Variants in ZNF365 observed in about 807,000 individuals in gnomAD.
ZNF365 encodes the protein protein ZNF365.
In ZNF365, 22 loss-of-function variants were observed where a neutral mutation model predicts 35.0. That is an observed-to-expected ratio of 0.63 (90% CI 0.45 to 0.90). The LOEUF is 0.90. Among genes scored for constraint, ZNF365 ranks in the 40% least tolerant of loss-of-function variants. The probability of loss-of-function intolerance (pLI) is 0.00; values close to 1 mark genes in which losing one functional copy is unlikely to be tolerated. For missense variants in ZNF365, 448 were observed against 500.3 expected, an observed-to-expected ratio of 0.90 and a Z score of 1.00; for synonymous variants, 188 against 196.2, an observed-to-expected ratio of 0.96 and a Z score of 0.35.
chr10:62,434,617 G>T (rs1394265029), intron 3 of ZNF365, among the ~76,000 whole-genome samples: 1 of 152,136 alleles, frequency 6.6e-6, no homozygotes, highest in South Asian at 2.1e-4. Flanking sequence ...TTGGAAGACT[G>T]CACGGAACCG....
intron 4 of ZNF365, among the ~76,000 whole-genome samples, chr10:62,460,863 T>C (rs1312661716): frequency 6.6e-6 from 1 of 152,132 alleles, no homozygotes; most frequent in African/African-American, 2.4e-5. Context: ...CAGATGCCCA[T>C]AGGAGCCAGA....
intron 3 of ZNF365, among the ~76,000 whole-genome samples, chr10:62,454,346 C>A (rs1840729428): frequency 6.6e-6 from 1 of 152,198 alleles, no homozygotes; most frequent in Admixed American, 6.5e-5. Flanking sequence ...GCCAAGGAAT[C>A]CTGGGGCACT....
intron 4 of ZNF365, among the ~76,000 whole-genome samples, chr10:62,469,517 T>C (rs1840999222): frequency 6.6e-6 from 1 of 152,204 alleles, no homozygotes; most frequent in Non-Finnish European, 1.5e-5. Flanking sequence ...AAAAATGCCT[T>C]GAATTTGATG....
chr10:62,430,214 G>A (rs976921453), intron 3 of ZNF365, among the ~76,000 whole-genome samples: 1 of 149,586 alleles, frequency 6.7e-6, no homozygotes, highest in Admixed American at 6.7e-5. Context: ...CATTTTTAAA[G>A]GTTCTAATTT....
intron 4 of ZNF365, among the ~76,000 whole-genome samples, chr10:62,461,939 G>A (rs1422460197): frequency 6.6e-6 from 1 of 152,052 alleles, no homozygotes; most frequent in African/African-American, 2.4e-5. Context: ...TGTAAATTCT[G>A]CGGGCAAACA....
intron 4 of ZNF365, among the ~76,000 whole-genome samples, chr10:62,472,927 C>T (rs544267101): frequency 6.6e-6 from 1 of 152,190 alleles, no homozygotes; most frequent in Non-Finnish European, 1.5e-5. Context: ...GTCTCCTCAG[C>T]TGGTTGCCTA....
intron 3 of ZNF365, among the ~76,000 whole-genome samples, chr10:62,391,940 A>G (rs1003520722): frequency 6.6e-6 from 1 of 152,226 alleles, no homozygotes; most frequent in Non-Finnish European, 1.5e-5. Flanking sequence ...CATTATGGCC[A>G]TTCTTGCAGG....
intron 4 of ZNF365, among the ~76,000 whole-genome samples, chr10:62,470,249 G>C (rs993610411): frequency 6.6e-6 from 1 of 152,176 alleles, no homozygotes; most frequent in African/African-American, 2.4e-5. Context: ...CCACCACCAT[G>C]GGCAACTGAG....
chr10:62,425,771 A>G (rs571627504), intron 3 of ZNF365, among the ~76,000 whole-genome samples: 13 of 152,166 alleles, frequency 8.5e-5, no homozygotes, highest in Non-Finnish European at 1.9e-4. Context: ...GATGTACCAT[A>G]TATTTTCTTA....
intron 3 of ZNF365, among the ~76,000 whole-genome samples, chr10:62,452,519 T>TG (rs1315231814): frequency 6.6e-6 from 1 of 152,230 alleles, no homozygotes; most frequent in Non-Finnish European, 1.5e-5. Flanking sequence ...AGCAGTCTCT[T>TG]GGGGTCCTTG....
chr10:62,463,806 C>T (rs981333468), intron 4 of ZNF365, among the ~76,000 whole-genome samples: 4 of 152,170 alleles, frequency 2.6e-5, no homozygotes, highest in African/African-American at 9.7e-5. Context: ...TCTAGCCCTT[C>T]CTGCTGTGGG....
chr10:62,480,229 T>C, exon 5 of ZNF365: 1 of 1,047,566 alleles, frequency 9.5e-7, no homozygotes. Context: ...TCATATTCTA[T>C]TTAGCTTGGG....
intron 3 of ZNF365, among the ~76,000 whole-genome samples, chr10:62,449,285 A>G (rs1032434098): frequency 3.3e-5 from 5 of 152,160 alleles, no homozygotes; most frequent in African/African-American, 1.2e-4. Context: ...GATTTCTATA[A>G]AAGTCAGAAT....
At chr10:62,424,903 A>G (rs1451061350) in intron 3 of ZNF365, among the ~76,000 whole-genome samples, 1 of 152,214 alleles carries the variant, frequency 6.6e-6, no homozygotes, top group Non-Finnish European at 1.5e-5. Flanking sequence ...TATCTTGTGG[A>G]ACCAGAGTGC....
intron 3 of ZNF365, among the ~76,000 whole-genome samples, chr10:62,432,195 T>C (rs1285635831): frequency 6.6e-6 from 1 of 151,990 alleles, no homozygotes; most frequent in Non-Finnish European, 1.5e-5. Flanking sequence ...GCTCTGGAGG[T>C]GAGGGGTCCA....
At chr10:62,480,197 C>T (rs1841200775) in exon 5 of ZNF365, 1 of 1,135,592 alleles carries the variant, frequency 8.8e-7, no homozygotes, top group Non-Finnish European at 1.1e-6. Context: ...TGCTTCAGAA[C>T]ATTTGTCCCT....
chr10:62,438,314 TG>T (rs1428358351), intron 3 of ZNF365, among the ~76,000 whole-genome samples: 2 of 151,878 alleles, frequency 1.3e-5, no homozygotes, highest in South Asian at 2.1e-4. Context: ...TCAGCCTCCC[TG>T]GTAGCTGGGA....
chr10:62,425,634 G>C (rs1840239553), intron 3 of ZNF365, among the ~76,000 whole-genome samples: 1 of 152,158 alleles, frequency 6.6e-6, no homozygotes, highest in Non-Finnish European at 1.5e-5. Flanking sequence ...TGGCTCTCAG[G>C]CTGACCTGTG....
chr10:62,422,775 C>T (rs1477852970), intron 3 of ZNF365, among the ~76,000 whole-genome samples: 1 of 152,112 alleles, frequency 6.6e-6, no homozygotes, highest in Non-Finnish European at 1.5e-5. Flanking sequence ...TCCACCAAAC[C>T]TTACAATTGG....
Sources: gnomAD v4.1 joint callset for allele counts (sites outside exome capture counted in the v4.1 genomes callset) on GRCh38, gnomAD v4.1.1 for gene constraint, MANE v1.5 for transcripts, NCBI Gene and HGNC (gene_info 2026-07-23, HGNC 2026-07-21) for gene names.